The following HDAC11 variants were observed in gnomAD, a reference collection of about 807,000 sequenced individuals.
The protein encoded by HDAC11 is histone deacetylase 11.
In HDAC11, 23 loss-of-function variants were observed where a neutral mutation model predicts 41.1. The observed-to-expected ratio is 0.56, with a 90% CI of 0.40 to 0.79. The LOEUF is 0.79. Among genes scored for constraint, HDAC11 ranks in the 30% least tolerant of loss-of-function variants. The pLI, the probability that HDAC11 is intolerant of heterozygous loss-of-function variation, is 0.00. For missense variants in HDAC11, 402 were observed against 477.3 expected, an observed-to-expected ratio of 0.84 and a Z score of 1.47; for synonymous variants, 187 against 186.6, an observed-to-expected ratio of 1.00 and a Z score of -0.02.
Position 13,502,074 on chromosome 3 carries a change from G to C in HDAC11, c.552+141G>C. On this transcript the variant is annotated intron_variant, in intron 7 of 9. Transcript: ENST00000295757. This position sits in a 1 kb window ranked among gnomAD's most constrained non-coding sequence, Gnocchi z 4.1. ...TTCTGTCTCTCGGGCTACAAATGCAGGGTCTGTCTTTGTCACTCTGTCCAG... is the reference window on the plus strand; with the variant it reads ...TTCTGTCTCTCGGGCTACAAATGCACGGTCTGTCTTTGTCACTCTGTCCAG... 1 of 692,364 alleles carries C rather than the reference G, an allele frequency of 1.4e-6. No individual in the cohort carries two copies. The highest frequency in any genetic ancestry group is 2.5e-6 in the Non-Finnish European group (1 of 401,402). The allele number at this position is 692,364 out of a possible 1,614,324, so 42.9% of individuals were successfully genotyped here.
intron 2 of HDAC11, among the ~76,000 whole-genome samples, 155 bp downstream of exon 2, chr3:13,481,549 AAC>A (rs1301367206): frequency 6.6e-6 from 1 of 152,030 alleles, no homozygotes; most frequent in African/African-American, 2.4e-5. Context: ...TGATTTTTCC[AAC>A]ACAGACTCCT....
chr3:13,493,012 C>T (rs1701934608), intron 3 of HDAC11, among the ~76,000 whole-genome samples: 1 of 152,228 alleles, frequency 6.6e-6, no homozygotes, highest in South Asian at 2.1e-4. Context: ...GTTTGGGGAA[C>T]TTCTGAGCCT....
intron 3 of HDAC11, among the ~76,000 whole-genome samples, chr3:13,488,650 A>AT (rs1011463499): frequency 1.6e-4 from 25 of 152,096 alleles, no homozygotes; most frequent in East Asian, 5.8e-4. Context: ...AAAACACTAC[A>AT]TTTTTTTTAT....
chr3:13,501,968 C>G (rs750389815), intron 7 of HDAC11, 35 bp downstream of exon 7: 14 of 1,570,356 alleles, frequency 8.9e-6, no homozygotes, highest in Middle Eastern at 1.7e-4. Context: ...TCTTAGGGGA[C>G]CTGCCACCCC....
At chr3:13,485,121 T>C (rs1377640878) in intron 3 of HDAC11, among the ~76,000 whole-genome samples, 1 of 152,218 alleles carries the variant, frequency 6.6e-6, no homozygotes, top group Non-Finnish European at 1.5e-5. Flanking sequence ...GGCCGGGCCT[T>C]GGGGAGACCC....
At chr3:13,483,329 C>T (rs1701409018) in intron 2 of HDAC11, 135 bp from the exon 3 acceptor site, 8 of 681,636 alleles carry the variant, frequency 1.2e-5, no homozygotes. Flanking sequence ...CTCAGAAGGC[C>T]CACAAGCCAG....
chr3:13,504,443 A>AGTC, intron 9 of HDAC11, 25 bp from the exon 10 acceptor site: 1 of 1,611,802 alleles, frequency 6.2e-7, no homozygotes, highest in Non-Finnish European at 8.5e-7. Flanking sequence ...GGCCTGCCTG[A>AGTC]GTCACCCTCC....
chr3:13,481,127 C>T lies in HDAC11; in HGVS notation c.3-119C>T, dbSNP rs568693618. 6.5e-6 allele frequency: 7 copies of T among 1,084,732 alleles called. No homozygotes were observed. The East Asian group carries it at 7.9e-5, about 12-fold the overall frequency. 67.2% of individuals were successfully genotyped at this position (1,084,732 alleles called of 1,614,324 possible). ...GCTGTTGTTGAGGGGCCCTTGTCTGCGGCTGAGGGGCTAGTGGTGCTGGGC... is the reference window on the plus strand; with the variant it reads ...GCTGTTGTTGAGGGGCCCTTGTCTGTGGCTGAGGGGCTAGTGGTGCTGGGC... On this transcript the variant is annotated intron_variant, in intron 1 of 9. Coordinates refer to ENST00000295757, the MANE Select transcript of HDAC11 (RefSeq NM_024827.4).
intron 3 of HDAC11, among the ~76,000 whole-genome samples, chr3:13,486,571 G>GTTTTTTTTTTTTTTTTTTTTTTTTTTT (rs767002835): frequency 1.2e-5 from 1 of 83,046 alleles, no homozygotes; most frequent in Non-Finnish European, 2.2e-5. Context: ...ATGTAGAGGT[G>GTTTTTTTTTTTTTTTTTTTTTTTTTTT]TTTTTTTTTT....
intron 3 of HDAC11, among the ~76,000 whole-genome samples, chr3:13,484,108 C>T (rs1701449760): frequency 6.6e-6 from 1 of 152,056 alleles, no homozygotes; most frequent in Admixed American, 6.5e-5. Flanking sequence ...ATTACAGGCG[C>T]GTGCCACCAT....
chr3:13,489,415 A>G (rs1238444929), intron 3 of HDAC11, among the ~76,000 whole-genome samples: 3 of 152,180 alleles, frequency 2.0e-5, no homozygotes, highest in Non-Finnish European at 4.4e-5. Flanking sequence ...GGCAAGTCCA[A>G]CTTCATTGTT....
At position 13,502,029 on chromosome 3, in the gene HDAC11, C is replaced by T. The variant is rs73815731; in HGVS notation, c.552+96C>T. On this transcript the variant is annotated intron_variant, in intron 7 of 9. Coordinates refer to ENST00000295757, the MANE Select transcript of HDAC11 (RefSeq NM_024827.4). This position sits in a 1 kb window ranked among gnomAD's most constrained non-coding sequence, Gnocchi z 4.1. ...GAGAGTCTCCCTCCTCATGTCCCCA[C>T]GGCTCTCACGGCTTCTGTCTTCTGT... The T allele has an allele frequency of 0.021, 18,830 of 913,370 alleles. 224 individuals carry two copies. The highest frequency in any genetic ancestry group is 0.041 in the African/African-American group (2,510 of 61,564). 56.6% of individuals were successfully genotyped at this position (913,370 alleles called of 1,614,324 possible).
intron 3 of HDAC11, among the ~76,000 whole-genome samples, chr3:13,484,263 C>T (rs1701458947): frequency 6.6e-6 from 1 of 152,238 alleles, no homozygotes; most frequent in Non-Finnish European, 1.5e-5. Flanking sequence ...CGCACCCACC[C>T]TATTTTTTAT....
intron 6 of HDAC11, chr3:13,501,615 C>A: frequency 1.4e-6 from 1 of 692,944 alleles, no homozygotes; most frequent in Non-Finnish European, 2.7e-6. Context: ...TACCTCCTGA[C>A]CTATGACCCT....
Position 13,502,639 on chromosome 3 carries a change from A to G in HDAC11, c.553-245A>G. 2 of 427,418 alleles carry G rather than the reference A, an allele frequency of 4.7e-6. No homozygotes were observed. The highest frequency in any genetic ancestry group is 8.6e-6 in the Non-Finnish European group (2 of 233,272). 26.5% of individuals were successfully genotyped at this position (427,418 alleles called of 1,614,324 possible). On this transcript the variant is annotated intron_variant, in intron 7 of 9. Transcript: ENST00000295757. This position sits in a 1 kb window ranked among gnomAD's most constrained non-coding sequence, Gnocchi z 4.1. Reference sequence around the variant, plus strand: ...AGACTTGAGAGGGTGGCAGAGCGGGATTTCTTCCTCTGATAGGGAACCTAA... The same window carrying G: ...AGACTTGAGAGGGTGGCAGAGCGGGGTTTCTTCCTCTGATAGGGAACCTAA...
chr3:13,481,501 G>A, intron 2 of HDAC11, 107 bp downstream of exon 2: 1 of 1,329,942 alleles, frequency 7.5e-7, no homozygotes, highest in Non-Finnish European at 1.0e-6. Context: ...TTCAGTTTCA[G>A]CCCTCGGATG....
At chr3:13,481,567 C>T (rs1480380748) in intron 2 of HDAC11, among the ~76,000 whole-genome samples, 173 bp downstream of exon 2, 2 of 152,106 alleles carry the variant, frequency 1.3e-5, no homozygotes, top group South Asian at 2.1e-4. Context: ...CTCCTAATCA[C>T]GATATGATGT....
chr3:13,483,678 C>T (rs924680290), intron 3 of HDAC11, 114 bp downstream of exon 3: 1 of 747,266 alleles, frequency 1.3e-6, no homozygotes, highest in East Asian at 2.5e-5. Context: ...ACAGGGCACC[C>T]ATTCATGTCC....
At chr3:13,504,439 C>T (rs754987209) in intron 9 of HDAC11, 29 bp from the exon 10 acceptor site, 2 of 1,611,218 alleles carry the variant, frequency 1.2e-6, no homozygotes, top group Admixed American at 3.3e-5. Context: ...GTCTGGCCTG[C>T]CTGAGTCACC....
Sources: allele counts gnomAD v4.1 joint callset (sites outside exome capture counted in the v4.1 genomes callset), GRCh38; gene constraint gnomAD v4.1.1; non-coding constraint Gnocchi (gnomAD v3.1); transcripts MANE v1.5; gene names NCBI Gene and HGNC (gene_info 2026-07-23, HGNC 2026-07-21).